The following OPHN1 variants were observed in gnomAD, a reference collection of about 807,000 sequenced individuals.
OPHN1 encodes the protein oligophrenin-1.
A neutral mutation model predicts 60.7 loss-of-function variants in OPHN1; 11 were observed. That is an observed-to-expected ratio of 0.18 (90% confidence interval 0.11 to 0.30). The LOEUF (loss-of-function observed/expected upper bound fraction) is 0.30. Among genes scored for constraint, OPHN1 ranks in the 10% least tolerant of loss-of-function variants. The pLI, the probability that OPHN1 is intolerant of heterozygous loss-of-function variation, is 1.00. For missense variants in OPHN1, 449 were observed against 611.0 expected, an observed-to-expected ratio of 0.73 and a Z score of 2.80; for synonymous variants, 226 against 222.6, an observed-to-expected ratio of 1.02 and a Z score of -0.14.
chrX:68,324,414 G>A (rs1230687256), intron 2 of OPHN1, among the ~76,000 whole-genome samples: 2 of 106,706 alleles, frequency 1.9e-5, no homozygotes, highest in African/African-American at 7.0e-5. Flanking sequence ...ATGAGCCTGG[G>A]CAAACCGGTA....
intron 6 of OPHN1, among the ~76,000 whole-genome samples, chrX:68,226,490 G>T: frequency 9.0e-6 from 1 of 111,340 alleles, no homozygotes; most frequent in East Asian, 2.8e-4. Context: ...GAAAGGTCAG[G>T]TTACCCACAA....
intron 2 of OPHN1, among the ~76,000 whole-genome samples, chrX:68,425,817 T>TTTC (rs2078852263): frequency 1.4e-5 from 1 of 73,474 alleles, no homozygotes; most frequent in Non-Finnish European, 2.7e-5. Context: ...GGATTCTTTT[T>TTTC]TTTTTTTTTT....
At chrX:68,322,388 G>C (rs1408175342) in intron 2 of OPHN1, among the ~76,000 whole-genome samples, 3 of 111,713 alleles carry the variant, frequency 2.7e-5, no homozygotes, top group Admixed American at 9.6e-5. Context: ...ATTCATAACA[G>C]CTTCATCTGT....
chrX:68,205,677 T>G (rs1442860030), intron 10 of OPHN1, among the ~76,000 whole-genome samples: 1 of 111,439 alleles, frequency 9.0e-6, no homozygotes, highest in Non-Finnish European at 1.9e-5. Context: ...AAGAGAGATC[T>G]TCCATGAAAA....
chrX:68,124,095 T>C (rs919328097), intron 15 of OPHN1, among the ~76,000 whole-genome samples: 1 of 111,002 alleles, frequency 9.0e-6, no homozygotes, highest in Non-Finnish European at 1.9e-5. Context: ...GCTATACCTA[T>C]ATTAGAAAAA....
Position 68,069,525 on chromosome X carries a change from T to C in OPHN1, c.1834+3627A>G, listed in dbSNP as rs190875568. Among the ~76,000 whole-genome samples, 805 of 111,518 alleles carry C rather than the reference T, an allele frequency of 7.2e-3. 4 individuals carry two copies. Among genetic ancestry groups the C allele is most frequent in the African/African-American group, 0.025 (781 of 30,709 alleles). On this transcript the variant is annotated intron_variant, in intron 20 of 24. Transcript: ENST00000355520. ...GTGATAATCTCTTCATCATTCCTTA[T>C]ACATCCACTCATTCATTCTTAGAAT...
intron 2 of OPHN1, among the ~76,000 whole-genome samples, chrX:68,391,898 G>A (rs907709498): frequency 1.5e-4 from 17 of 111,433 alleles, no homozygotes; most frequent in East Asian, 2.8e-4. Flanking sequence ...GAGCCTCGAC[G>A]AGGAACCAGC....
chrX:68,393,756 A>T (rs1402659907), intron 2 of OPHN1, among the ~76,000 whole-genome samples: 1 of 109,433 alleles, frequency 9.1e-6, no homozygotes, highest in East Asian at 2.9e-4. Flanking sequence ...TTTTTACCAG[A>T]AGTTTTATGG....
At chrX:68,097,341 A>C (rs918709353) in intron 18 of OPHN1, among the ~76,000 whole-genome samples, 7 of 111,207 alleles carry the variant, frequency 6.3e-5, no homozygotes, top group Non-Finnish European at 1.1e-4. Flanking sequence ...GAGGGAAGCA[A>C]GAGGACATTC....
chrX:68,086,007 T>C (rs2076993710), intron 19 of OPHN1, among the ~76,000 whole-genome samples: 1 of 109,934 alleles, frequency 9.1e-6, no homozygotes, highest in Admixed American at 9.7e-5. Context: ...GGTGAAACCC[T>C]GTCTCTACCA....
intron 2 of OPHN1, among the ~76,000 whole-genome samples, chrX:68,334,315 T>A (rs2078311436): frequency 8.9e-6 from 1 of 112,298 alleles, no homozygotes; most frequent in African/African-American, 3.2e-5. Context: ...GAAGTATGAC[T>A]TCCCCTAAGT....
chrX:68,088,738 T>C (rs1048954164), intron 19 of OPHN1, among the ~76,000 whole-genome samples: 21 of 110,104 alleles, frequency 1.9e-4, no homozygotes, highest in African/African-American at 6.6e-4. Context: ...TCTCAATGAC[T>C]CCTCCCAAAA....
At chrX:68,173,438 G>A (rs899291352) in intron 15 of OPHN1, among the ~76,000 whole-genome samples, 3 of 111,194 alleles carry the variant, frequency 2.7e-5, no homozygotes, top group African/African-American at 6.6e-5. Context: ...AGGAATAAAC[G>A]GGACACAGGT....
intron 5 of OPHN1, among the ~76,000 whole-genome samples, chrX:68,235,059 T>G (rs1291670855): frequency 1.8e-5 from 2 of 111,976 alleles, no homozygotes; most frequent in Non-Finnish European, 3.8e-5. Flanking sequence ...AACCTGGGAT[T>G]GTCTCTTTTT....
chrX:68,323,864 AGACT>A (rs953228815), intron 2 of OPHN1, among the ~76,000 whole-genome samples: 1 of 112,233 alleles, frequency 8.9e-6, no homozygotes, highest in African/African-American at 3.2e-5. Context: ...TCATACATAC[AGACT>A]GACAATAAAA....
At chrX:68,089,160 T>C (rs1292519471) in intron 19 of OPHN1, among the ~76,000 whole-genome samples, 1 of 111,566 alleles carries the variant, frequency 9.0e-6, no homozygotes, top group East Asian at 2.8e-4. Flanking sequence ...GCTGCCAAAG[T>C]ACACCTATCT....
intron 15 of OPHN1, among the ~76,000 whole-genome samples, chrX:68,135,152 A>T (rs2077214013): frequency 1.8e-5 from 2 of 111,882 alleles, no homozygotes; most frequent in African/African-American, 6.5e-5. Context: ...CAGATGGCTT[A>T]GAGAAATTTC....
At position 68,187,654 on chromosome X, in the gene OPHN1, G is replaced by C. The variant is rs184953611; in HGVS notation, c.1276+5265C>G. ...TGTTTGTTTGCTTGTTTGAGGTGGA[G>C]TCTTGCTCTGTCGCCCAGGCTGGAG... is the stretch of plus-strand genomic sequence containing the variant. On this transcript the variant is annotated intron_variant, in intron 15 of 24. Transcript: ENST00000355520. Among the ~76,000 whole-genome samples the C allele has an allele frequency of 7.1e-4, 79 of 111,282 alleles. 1 individual carries two copies. The East Asian group carries it at 0.018, about 26-fold the overall frequency.
At chrX:68,057,381 G>C (rs2076877359) in intron 21 of OPHN1, among the ~76,000 whole-genome samples, 1 of 111,567 alleles carries the variant, frequency 9.0e-6, no homozygotes, top group South Asian at 3.8e-4. Context: ...GAGTAGCAGA[G>C]CTGAGAGTGC....
Sources: allele counts gnomAD v4.1 joint callset (sites outside exome capture counted in the v4.1 genomes callset), GRCh38; gene constraint gnomAD v4.1.1; transcripts MANE v1.5; gene names NCBI Gene and HGNC (gene_info 2026-07-23, HGNC 2026-07-21).